The following TRMT11 variants were observed in gnomAD, a reference collection of about 807,000 sequenced individuals.
TRMT11 encodes the protein tRNA methyltransferase 11.
A neutral mutation model predicts 62.8 loss-of-function variants in TRMT11; 53 were observed. The observed-to-expected ratio is 0.84, with a 90% CI of 0.68 to 1.06. The LOEUF is 1.06. Ranked by LOEUF, TRMT11 falls within the 50% of genes least tolerant of loss-of-function variation. The pLI, the probability that TRMT11 is intolerant of heterozygous loss-of-function variation, is 0.00. For synonymous variants in TRMT11, 188 were observed against 190.3 expected, an observed-to-expected ratio of 0.99 and a Z score of 0.10; for missense variants, 556 against 553.4, an observed-to-expected ratio of 1.00 and a Z score of -0.05.
chr6:125,998,511 AT>A (rs1562242548), intron 5 of TRMT11, 38 bp from the exon 6 acceptor site: 1 of 1,582,662 alleles, frequency 6.3e-7, no homozygotes, highest in South Asian at 1.2e-5. Context: ...TTCATTGTAA[AT>A]TATTATAAGA....
chr6:126,142,925 T>C (rs999763594), intron 21 of TRMT11, among the ~76,000 whole-genome samples: 7 of 152,112 alleles, frequency 4.6e-5, no homozygotes, highest in African/African-American at 1.7e-4. Flanking sequence ...TAGAGAAATT[T>C]TGTGACTATT....
At chr6:126,024,844 A>G (rs1327811298) in intron 12 of TRMT11, among the ~76,000 whole-genome samples, 1 of 152,212 alleles carries the variant, frequency 6.6e-6, no homozygotes, top group Non-Finnish European at 1.5e-5. Context: ...AGGCATTTTG[A>G]TAATTCAGAT....
chr6:126,140,806 T>C (rs574645540), intron 21 of TRMT11, among the ~76,000 whole-genome samples: 1 of 152,176 alleles, frequency 6.6e-6, no homozygotes, highest in Admixed American at 6.6e-5. Context: ...TCAGTGAAGT[T>C]AGTTATTTTG....
At chr6:126,132,641 G>A (rs548069276) in intron 21 of TRMT11, among the ~76,000 whole-genome samples, 31 of 152,058 alleles carry the variant, frequency 2.0e-4, no homozygotes, top group African/African-American at 4.6e-4. Flanking sequence ...ATGCCATTCC[G>A]TCTATTTGAC....
the TRMT11 span, among the ~76,000 whole-genome samples, chr6:126,213,296 T>C: frequency 2.0e-5 from 3 of 152,124 alleles, no homozygotes; most frequent in African/African-American, 7.2e-5. Flanking sequence ...TTTCTTTTTC[T>C]ATTTTGTGAA....
chr6:126,246,153 G>T, the TRMT11 span, among the ~76,000 whole-genome samples: 2 of 152,032 alleles, frequency 1.3e-5, no homozygotes, highest in African/African-American at 4.8e-5. Context: ...ATGTACACCT[G>T]TAGTCCCAGC....
chr6:126,099,668 A>G (rs1318371099), intron 17 of TRMT11, among the ~76,000 whole-genome samples: 2 of 152,224 alleles, frequency 1.3e-5, no homozygotes, highest in Non-Finnish European at 2.9e-5. Flanking sequence ...AATCACTTGT[A>G]CAGGGGAGGC....
chr6:126,164,986 T>A (rs1181937130), intron 21 of TRMT11, among the ~76,000 whole-genome samples: 1 of 151,758 alleles, frequency 6.6e-6, no homozygotes, highest in Admixed American at 6.6e-5. Context: ...ACATGTAAAT[T>A]TAATATCGTT....
At position 125,995,906 on chromosome 6, in the gene TRMT11, T is replaced by TA. The variant is rs529667223; in HGVS notation, c.139-57dup. On this transcript the variant is annotated intron_variant, in intron 2 of 12. Transcript: ENST00000334379. ...CACTTCTCCTTATTGACTTCTTGAATAAAAGCATATGAGGCCATGTAGCCA... is the reference window on the plus strand; with the variant it reads ...CACTTCTCCTTATTGACTTCTTGAATAAAAAGCATATGAGGCCATGTAGCCA... 596 of 1,001,654 alleles carry TA rather than the reference T, an allele frequency of 6.0e-4. 6 individuals carry two copies. In the South Asian group the frequency reaches 7.4e-3, roughly 12 times the overall value. 62.0% of individuals were successfully genotyped at this position (1,001,654 alleles called of 1,614,324 possible).
At chr6:126,217,277 A>G in the TRMT11 span, among the ~76,000 whole-genome samples, 1 of 152,072 alleles carries the variant, frequency 6.6e-6, no homozygotes, top group Non-Finnish European at 1.5e-5. Context: ...TTTCTGGATG[A>G]TCTTGATGCT....
At chr6:126,198,302 A>AT (rs1346269776) in intron 1 of TRMT11, among the ~76,000 whole-genome samples, 1 of 152,208 alleles carries the variant, frequency 6.6e-6, no homozygotes, top group Non-Finnish European at 1.5e-5. Context: ...AAAAACAAGC[A>AT]TAAGAACTAC....
At chr6:126,198,209 CA>C (rs1778689825) in intron 1 of TRMT11, among the ~76,000 whole-genome samples, 1 of 151,786 alleles carries the variant, frequency 6.6e-6, no homozygotes, top group Admixed American at 6.6e-5. Context: ...AGATGCATGA[CA>C]AAAAAATAAA....
intron 21 of TRMT11, among the ~76,000 whole-genome samples, chr6:126,128,948 G>A (rs1454121297): frequency 7.3e-6 from 1 of 136,596 alleles, no homozygotes; most frequent in Non-Finnish European, 1.6e-5. Flanking sequence ...GCTTTCAAGT[G>A]CAGACAACTT....
At chr6:126,151,678 C>T (rs2128221658) in intron 21 of TRMT11, among the ~76,000 whole-genome samples, 1 of 152,070 alleles carries the variant, frequency 6.6e-6, no homozygotes, top group Admixed American at 6.6e-5. Flanking sequence ...AGACTATCCC[C>T]ACTGTCTCCC....
chr6:125,997,210 G>T (rs928363043), intron 3 of TRMT11, among the ~76,000 whole-genome samples: 1 of 152,124 alleles, frequency 6.6e-6, no homozygotes, highest in Non-Finnish European at 1.5e-5. Flanking sequence ...TAATATTATT[G>T]TAGAAGCCTT....
At chr6:126,022,553 A>C (rs112571307) in intron 12 of TRMT11, among the ~76,000 whole-genome samples, 5 of 152,328 alleles carry the variant, frequency 3.3e-5, no homozygotes, top group African/African-American at 9.6e-5. Flanking sequence ...TTATGTTCAC[A>C]GTCTCCTAAA....
In TRMT11 at chr6:126,008,499, T is replaced by G. The variant is rs779534782; in HGVS notation, c.760+27T>G. Reference sequence around the variant, plus strand: ...TGAGTAGAGATTATAGACAGTATTATAGTCATTGCTGTGGTGCCAAATGTA... The same window carrying G: ...TGAGTAGAGATTATAGACAGTATTAGAGTCATTGCTGTGGTGCCAAATGTA... On this transcript the variant is annotated intron_variant, in intron 8 of 12. Coordinates refer to ENST00000334379, the MANE Select transcript of TRMT11 (RefSeq NM_001031712.3). The G allele has an allele frequency of 1.2e-5, 19 of 1,581,760 alleles. 1 individual carries two copies. The South Asian group carries it at 2.0e-4, about 17-fold the overall frequency.
At chr6:126,049,130 C>G (rs190889602) in intron 16 of TRMT11, among the ~76,000 whole-genome samples, 131 of 152,330 alleles carry the variant, frequency 8.6e-4, no homozygotes, top group African/African-American at 3.0e-3. Flanking sequence ...TCTATATTTT[C>G]TCTGGCAGCC....
intron 21 of TRMT11, among the ~76,000 whole-genome samples, chr6:126,153,760 C>T (rs1456339728): frequency 1.3e-5 from 2 of 152,244 alleles, no homozygotes; most frequent in African/African-American, 4.8e-5. Context: ...TGTATCCACT[C>T]ACCACATCAG....
Sources: gnomAD v4.1 joint callset for allele counts (sites outside exome capture counted in the v4.1 genomes callset) on GRCh38, gnomAD v4.1.1 for gene constraint, MANE v1.5 for transcripts, NCBI Gene and HGNC (gene_info 2026-07-23, HGNC 2026-07-21) for gene names.